The following KSR2 variants were observed in gnomAD, a reference collection of about 807,000 sequenced individuals.
The protein encoded by KSR2 is kinase suppressor of ras 2.
KSR2 carries 25 observed loss-of-function variants against 107.8 expected under a neutral mutation model. That is an observed-to-expected ratio of 0.23 (90% confidence interval 0.17 to 0.32). KSR2 has a LOEUF of 0.32. Among genes scored for constraint, KSR2 ranks in the 10% least tolerant of loss-of-function variants. The probability of loss-of-function intolerance (pLI) is 1.00; values close to 1 mark genes in which losing one functional copy is unlikely to be tolerated. For synonymous variants in KSR2, 480 were observed against 507.0 expected, an observed-to-expected ratio of 0.95 and a Z score of 0.71; for missense variants, 887 against 1,268.9, an observed-to-expected ratio of 0.70 and a Z score of 4.57.
intron 14 of KSR2, among the ~76,000 whole-genome samples, chr12:117,506,514 G>A (rs1873688907): frequency 6.6e-6 from 1 of 152,162 alleles, no homozygotes; most frequent in Admixed American, 6.5e-5. Context: ...TTCAGAGATT[G>A]AGAAATAAAA....
chr12:117,697,072 G>A (rs946146375), intron 4 of KSR2, among the ~76,000 whole-genome samples: 6 of 152,178 alleles, frequency 3.9e-5, no homozygotes, highest in Admixed American at 2.0e-4. Flanking sequence ...GCGGACGCTA[G>A]TTTGGGAAGC....
At chr12:117,696,516 G>A (rs1019484144) in intron 4 of KSR2, among the ~76,000 whole-genome samples, 1 of 151,732 alleles carries the variant, frequency 6.6e-6, no homozygotes, top group African/African-American at 2.4e-5. Flanking sequence ...AGCACTGGTC[G>A]GGGGGAGTAT....
At chr12:117,927,593 T>C (rs927285584) in intron 1 of KSR2, among the ~76,000 whole-genome samples, 1 of 150,622 alleles carries the variant, frequency 6.6e-6, no homozygotes, top group African/African-American at 2.5e-5. Context: ...CTCGGGAGAG[T>C]GAGCCAGAAG....
At chr12:117,958,986 A>G (rs1298936901) in intron 1 of KSR2, among the ~76,000 whole-genome samples, 1 of 152,254 alleles carries the variant, frequency 6.6e-6, no homozygotes, top group Middle Eastern at 3.2e-3. Context: ...CTAGAAGAGA[A>G]TAATCCGAAT....
rs564480516 is a variant in KSR2, at chr12:117,872,108, C to A, written c.181-11677G>T. 2.0e-5 allele frequency among the ~76,000 whole-genome samples: 3 copies of A among 152,296 alleles called. No individual in the cohort carries two copies. The South Asian group carries it at 6.2e-4, about 32-fold the overall frequency. ...ACAGGCATTAAATAAATATGCCAGG[C>A]ATTCTGCTACGTACTTGATACATTA... On this transcript the variant is annotated intron_variant, in intron 1 of 19. Coordinates refer to ENST00000339824, the MANE Select transcript of KSR2 (RefSeq NM_173598.6).
At chr12:117,891,164 C>G (rs142247418) in intron 1 of KSR2, among the ~76,000 whole-genome samples, 1,692 of 152,212 alleles carry the variant, frequency 0.011, 31 homozygotes, top group African/African-American at 0.039. Flanking sequence ...GCCTGTAATC[C>G]CAACACTTTG....
chr12:117,709,173 G>C (rs1886651753), intron 4 of KSR2, among the ~76,000 whole-genome samples: 1 of 151,994 alleles, frequency 6.6e-6, no homozygotes. Context: ...ACATCTTTGG[G>C]GGAGCTGTTA....
chr12:117,941,945 C>G lies in KSR2; in HGVS notation c.180+26131G>C, dbSNP rs1896022898. Among the ~76,000 whole-genome samples, 3 of 151,836 alleles carry G rather than the reference C, an allele frequency of 2.0e-5. No homozygotes were observed. In the South Asian group the frequency reaches 6.2e-4, roughly 31 times the overall value. ...GGCGTGAGCCACTGTGCTCAGCCTA[C>G]TCTTTTAAACTCTGAGAAGGTTATG... On this transcript the variant is annotated intron_variant, in intron 1 of 19. Coordinates refer to ENST00000339824, the MANE Select transcript of KSR2 (RefSeq NM_173598.6).
At chr12:117,774,821 T>G (rs959975530) in intron 3 of KSR2, among the ~76,000 whole-genome samples, 21 of 152,086 alleles carry the variant, frequency 1.4e-4, no homozygotes, top group African/African-American at 5.1e-4. Flanking sequence ...TCCTTCCCAA[T>G]TCCCTTCTTC....
At chr12:117,589,773 TTTAA>T (rs1880213987) in intron 5 of KSR2, among the ~76,000 whole-genome samples, 1 of 152,226 alleles carries the variant, frequency 6.6e-6, no homozygotes, top group Non-Finnish European at 1.5e-5. Flanking sequence ...CTGAAAGTAT[TTTAA>T]TTATGTGCAG....
chr12:117,545,263 T>C (rs1377475062), intron 9 of KSR2, among the ~76,000 whole-genome samples: 1 of 152,210 alleles, frequency 6.6e-6, no homozygotes, highest in Admixed American at 6.5e-5. Context: ...TAGTCTGTAG[T>C]TTTCCTTTTT....
At position 117,968,616 on chromosome 12, in the gene KSR2, G is replaced by A. The variant is rs1896868573; in HGVS notation, c.-361C>T. 5 of 358,412 alleles carry A rather than the reference G, an allele frequency of 1.4e-5. No homozygotes were observed. Among genetic ancestry groups the A allele is most frequent in the African/African-American group, 2.1e-5 (1 of 46,652 alleles). 22.2% of individuals were successfully genotyped at this position (358,412 alleles called of 1,614,324 possible). ...AGGAGGAAAAAGAAGAGGAGAAGGA[G>A]GAGAGAGAGGAGGAGGGAGAGGAGG... is the stretch of plus-strand genomic sequence containing the variant. On this transcript the variant is annotated 5_prime_UTR_variant, in exon 1 of 20. Coordinates refer to ENST00000339824, the MANE Select transcript of KSR2 (RefSeq NM_173598.6).
intron 3 of KSR2, among the ~76,000 whole-genome samples, chr12:117,778,460 G>A (rs1325906511): frequency 6.6e-6 from 1 of 152,226 alleles, no homozygotes; most frequent in Non-Finnish European, 1.5e-5. Flanking sequence ...CATGCACCTT[G>A]AATTCAGGCA....
chr12:117,805,529 T>C (rs1890979105), intron 3 of KSR2, among the ~76,000 whole-genome samples: 2 of 152,220 alleles, frequency 1.3e-5, no homozygotes, highest in African/African-American at 4.8e-5. Flanking sequence ...CCAGAGCCCA[T>C]TCAAAAGAGC....
At chr12:117,592,707 A>G (rs552670853) in intron 5 of KSR2, among the ~76,000 whole-genome samples, 78 of 152,300 alleles carry the variant, frequency 5.1e-4, no homozygotes, top group African/African-American at 1.8e-3. Flanking sequence ...TGCGTCAGGG[A>G]TTTTTAACCT....
rs554828435 is a variant in KSR2, at chr12:117,873,992, G to A, written c.181-13561C>T. Among the ~76,000 whole-genome samples, 22 of 152,202 alleles carry A rather than the reference G, an allele frequency of 1.4e-4. 1 individual carries two copies. The highest frequency in any genetic ancestry group is 1.9e-4 in the East Asian group (1 of 5,182). ...AAAGTGAGCACTGGATGTTGTTTGC[G>A]TTTTTTTGCATTTCATTTCCCTCGC... On this transcript the variant is annotated intron_variant, in intron 1 of 19. Transcript: ENST00000339824.
rs916185013 is a variant in KSR2 at position 117,576,504 on chromosome 12, AT to A, written c.1325+2614del. On this transcript the variant is annotated intron_variant, in intron 7 of 19. Transcript: ENST00000339824. ...TGCTCCTGCTTCTCCTTAAAAAAAA[AT>A]TTTTTTTTTTGAGACAGGGTCTTGC... Among the ~76,000 whole-genome samples, 564 of 149,118 alleles carry A rather than the reference AT, an allele frequency of 3.8e-3. 3 individuals carry two copies. Among genetic ancestry groups the A allele is most frequent in the African/African-American group, 0.012 (490 of 40,746 alleles).
chr12:117,775,434 C>T (rs972870422), intron 3 of KSR2, among the ~76,000 whole-genome samples: 2 of 152,220 alleles, frequency 1.3e-5, no homozygotes, highest in Non-Finnish European at 2.9e-5. Context: ...GTGGGCTGGG[C>T]TTTTGCAGCA....
At chr12:117,662,815 A>G (rs1884494081) in intron 5 of KSR2, among the ~76,000 whole-genome samples, 1 of 152,218 alleles carries the variant, frequency 6.6e-6, no homozygotes, top group East Asian at 1.9e-4. Flanking sequence ...AGTCATGGGC[A>G]GCTAATAAAG....
Sources: allele counts gnomAD v4.1 joint callset (sites outside exome capture counted in the v4.1 genomes callset), GRCh38; gene constraint gnomAD v4.1.1; transcripts MANE v1.5; gene names NCBI Gene and HGNC (gene_info 2026-07-23, HGNC 2026-07-21).